ZNF142: variants seen among roughly 807,000 people sequenced by gnomAD.
The protein encoded by ZNF142 is zinc finger protein 142, also known as zinc finger protein 142 (clone pHZ-49).
A neutral mutation model predicts 132.1 loss-of-function variants in ZNF142; 96 were observed. The observed-to-expected ratio is 0.73, with a 90% confidence interval of 0.62 to 0.86. ZNF142 has a LOEUF of 0.86. ZNF142 is among the 40% of genes least tolerant of loss of function. ZNF142 has a pLI of 0.00. For missense variants in ZNF142, 2,163 were observed against 2,336.2 expected (o/e 0.93, Z 1.53); for synonymous variants, 842 against 890.1 (o/e 0.95, Z 0.96).
chr2:218,638,223 C>A lies in ZNF142; in HGVS notation c.*116G>T. ...AGAGTCCCAGGAAGGTTCTAGTCAC[C>A]CTTGTACCCCAAAAGCCAGTCTTTC... On this transcript the variant is annotated 3_prime_UTR_variant, in exon 11 of 11. Coordinates refer to ENST00000411696, the MANE Select transcript of ZNF142 (RefSeq NM_001379659.1). The A allele has an allele frequency of 9.4e-7, 1 of 1,069,276 alleles. No individual in the cohort carries two copies. Among genetic ancestry groups the A allele is most frequent in the South Asian group, 2.5e-5 (1 of 40,792 alleles). The allele number at this position is 1,069,276 out of a possible 1,614,324, so 66.2% of individuals were successfully genotyped here. A position where few individuals can be genotyped will look rare whatever the true frequency, so the allele number is the denominator to read the frequency against.
chr2:218,633,872 AGGAG>A lies in ZNF142; in HGVS notation c.*4463_*4466del. 7 of 1,369,068 alleles carry A rather than the reference AGGAG, an allele frequency of 5.1e-6. No individual in the cohort carries two copies. Among genetic ancestry groups the A allele is most frequent in the Non-Finnish European group, 7.1e-6 (7 of 988,624 alleles). The allele number at this position is 1,369,068 out of a possible 1,614,324, so 84.8% of individuals were successfully genotyped here. A position where few individuals can be genotyped will look rare whatever the true frequency, so the allele number is the denominator to read the frequency against. ...AGACAAGGTAGCTAAGGAGAGATGAAGGAGTTCAGAAACTCCTTAGAGCAGACAA... is the reference window on the plus strand; with the variant it reads ...AGACAAGGTAGCTAAGGAGAGATGAATTCAGAAACTCCTTAGAGCAGACAA... On this transcript the variant is annotated 3_prime_UTR_variant, in exon 11 of 11. Transcript: ENST00000411696.
At position 218,643,943 on chromosome 2, in the gene ZNF142, C is replaced by A; in HGVS notation, c.3173G>T (p.Gly1058Val). The change falls in exon 9 of 11, where the codon GGG (glycine) becomes GTG (valine). Residue 1058 changes from glycine to valine, a missense_variant. Gly to Val is a moderately radical substitution (Grantham distance 109). Around this residue, in one of 7 missense-constraint regions of ZNF142, gnomAD observed 809 missense variants for 801.7 expected, o/e 1.01. Coordinates refer to ENST00000411696, the MANE Select transcript of ZNF142 (RefSeq NM_001379659.1). The part of the protein sequence containing the change: ...EKALNLHSRT[G>V]CQGRREPLLC... The stretch of plus-strand genomic sequence containing the variant: ...CAGGGGCTCTCGGCGGCCTTGGCAC[C>A]CAGTCCTGGAGTGCAGATTCAGGGC... 6.2e-7 allele frequency: 1 copy of A among 1,614,080 alleles called. No individual in the cohort carries two copies. The highest frequency in any genetic ancestry group is 8.5e-7 in the Non-Finnish European group (1 of 1,179,978).
Position 218,638,144 on chromosome 2 carries a change from G to A in ZNF142, c.*195C>T, listed in dbSNP as rs904232729. The A allele has an allele frequency of 3.3e-5, 15 of 453,988 alleles. No individual in the cohort carries two copies. Among genetic ancestry groups the A allele is most frequent in the Non-Finnish European group, 4.8e-5 (13 of 273,538 alleles). The allele number at this position is 453,988 out of a possible 1,614,324, so 28.1% of individuals were successfully genotyped here. ...CAATGTACAGCAATAAGAAATCAAC[G>A]TTATAGTCCATGTCCCTCTTTTATA... On this transcript the variant is annotated 3_prime_UTR_variant, in exon 11 of 11. Transcript: ENST00000411696.
Position 218,633,394 on chromosome 2 carries a change from G to A in ZNF142, c.*4945C>T, listed in dbSNP as rs906172782. The stretch of plus-strand genomic sequence containing the variant: ...CCCATTCCCACCCCCAGGTTGTGAC[G>A]TGCCCGCTGTTTTGTCCGTCTATCT... On this transcript the variant is annotated 3_prime_UTR_variant, in exon 11 of 11. Transcript: ENST00000411696. 1.8e-5 allele frequency: 13 copies of A among 711,542 alleles called. No homozygotes were observed. The highest frequency in any genetic ancestry group is 2.3e-4 in the Middle Eastern group (1 of 4,410). The allele number at this position is 711,542 out of a possible 1,614,324, so 44.1% of individuals were successfully genotyped here.
At chr2:218,639,732 T>TG (rs1559284911) in intron 10 of ZNF142, among the ~76,000 whole-genome samples, 1 of 23,526 alleles carries the variant, frequency 4.3e-5, no homozygotes, top group Non-Finnish European at 1.4e-4. Flanking sequence ...ACCCTGTCAC[T>TG]GAAAAAAAAA....
chr2:218,647,402 A>G (rs571996163), intron 7 of ZNF142, among the ~76,000 whole-genome samples: 25 of 95,140 alleles, frequency 2.6e-4, no homozygotes, highest in African/African-American at 9.1e-4. Flanking sequence ...CAGCCTGAGC[A>G]ACAGAGCCAG....
Position 218,644,503 on chromosome 2 carries a change from A to G in ZNF142, c.2613T>C (p.Ser871=), listed in dbSNP as rs1245994224. 6 of 1,613,830 alleles carry G rather than the reference A, an allele frequency of 3.7e-6. No homozygotes were observed. The African/African-American group carries it at 8.0e-5, about 22-fold the overall frequency. ...CCAGGTCACCCCCATGGGGAGCCTC[A>G]CTGCCCTCCTGTCTTCCAGTGTTGA... is the stretch of plus-strand genomic sequence containing the variant. ...EEVNTGRQEG[S]EAPHGGDLGG... Residue 871 remains serine (S), a synonymous_variant, in exon 9 of 11, where the codon AGT becomes AGC. Coordinates refer to ENST00000411696, the MANE Select transcript of ZNF142 (RefSeq NM_001379659.1). The surrounding 1 kb of genome is among the most constrained non-coding windows in gnomAD (Gnocchi z 4.6).
In ZNF142 at chr2:218,640,619, G is replaced by C. The variant is rs545744612; in HGVS notation, c.5194+45C>G. The C allele has an allele frequency of 1.9e-6, 3 of 1,578,692 alleles. No individual in the cohort carries two copies. The Admixed American group carries it at 5.0e-5, about 27-fold the overall frequency. On this transcript the variant is annotated intron_variant, in intron 10 of 10. Transcript: ENST00000411696. Reference sequence around the variant, plus strand: ...ACCTTGGTAAGGTTAGGTTTGCCAGGGAACAAAGGAACCCTTCAGGCCTGT... The same window carrying C: ...ACCTTGGTAAGGTTAGGTTTGCCAGCGAACAAAGGAACCCTTCAGGCCTGT...
Position 218,634,734 on chromosome 2 carries a change from T to A in ZNF142, c.*3605A>T. ...GGAATGTAGAGGCCGGATAGCCTAT[T>A]AACAGTGTCTAGTTTTAGCTTTTGG... On this transcript the variant is annotated 3_prime_UTR_variant, in exon 11 of 11. Coordinates refer to ENST00000411696, the MANE Select transcript of ZNF142 (RefSeq NM_001379659.1). The surrounding 1 kb of genome is among the most constrained non-coding windows in gnomAD (Gnocchi z 4.0). 7.6e-7 allele frequency: 1 copy of A among 1,318,460 alleles called. No homozygotes were observed. Among genetic ancestry groups the A allele is most frequent in the Non-Finnish European group, 1.0e-6 (1 of 955,522 alleles). 81.7% of individuals were successfully genotyped at this position (1,318,460 alleles called of 1,614,324 possible). A position where few individuals can be genotyped will look rare whatever the true frequency, so the allele number is the denominator to read the frequency against.
intron 4 of ZNF142, among the ~76,000 whole-genome samples, chr2:218,653,737 T>C (rs1938231175): frequency 6.6e-6 from 1 of 152,224 alleles, no homozygotes; most frequent in Non-Finnish European, 1.5e-5. Flanking sequence ...TTTGAGTACA[T>C]TTACATCTAG....
chr2:218,646,212 G>C lies in ZNF142; in HGVS notation c.2010C>G (p.His670Gln). ...GTTTTCGCATGTGCACACGGAGGTA[G>C]TGCTTCCACTTGGTGACATAGCCAC... The part of the protein sequence containing the change: ...TECGYVTKWK[H>Q]YLRVHMRKHA... The change falls in exon 8 of 11, where the codon CAC becomes CAG. Residue 670 changes from histidine (H) to glutamine (Q), a missense_variant. By Grantham distance (24) the His-to-Gln change is conservative (BLOSUM62 0). Coordinates refer to ENST00000411696, the MANE Select transcript of ZNF142 (RefSeq NM_001379659.1). The C allele has an allele frequency of 1.2e-6, 2 of 1,614,186 alleles. No individual in the cohort carries two copies. Among genetic ancestry groups the C allele is most frequent in the Non-Finnish European group, 1.7e-6 (2 of 1,180,040 alleles).
chr2:218,656,484 AAAAC>A (rs1938515350), intron 3 of ZNF142, 21 bp from the exon 4 acceptor site: 4 of 1,424,184 alleles, frequency 2.8e-6, no homozygotes, highest in Non-Finnish European at 2.8e-6. Context: ...AACCAGAAGA[AAAAC>A]AAAGTAAGGT....
chr2:218,640,747 T>C lies in ZNF142; in HGVS notation c.5111A>G (p.Glu1704Gly), dbSNP rs1200401638. ...RLKYHMRIHK[E>G]ERKYLCPECG... ...CTCAGGGCACAGGTACTTCCGTTCC[T>C]CCTTGTGGATCCGCATGTGGTACTG... The change falls in exon 10 of 11, where the codon GAG becomes GGG. Residue 1704 changes from glutamate to glycine, a missense_variant. Physicochemically the swap from Glu to Gly is moderately conservative, Grantham distance 98 (BLOSUM62 -2). Coordinates refer to ENST00000411696, the MANE Select transcript of ZNF142 (RefSeq NM_001379659.1). The C allele has an allele frequency of 2.5e-6, 4 of 1,614,200 alleles. No homozygotes were observed. The South Asian group carries it at 3.3e-5, about 13-fold the overall frequency.
At chr2:218,639,948 C>T (rs1457765086) in intron 10 of ZNF142, among the ~76,000 whole-genome samples, 8 of 141,448 alleles carry the variant, frequency 5.7e-5, no homozygotes, top group South Asian at 2.4e-4. Flanking sequence ...CCCAGCTACT[C>T]GGGAGGCTAA....
At chr2:218,641,654 C>T (rs1575058697) in intron 9 of ZNF142, among the ~76,000 whole-genome samples, 1 of 152,084 alleles carries the variant, frequency 6.6e-6, no homozygotes, top group African/African-American at 2.4e-5. Flanking sequence ...ATCCTCCCAC[C>T]TCAGCCTCCT....
chr2:218,653,582 A>G (rs1440961173), intron 4 of ZNF142, among the ~76,000 whole-genome samples: 1 of 151,792 alleles, frequency 6.6e-6, no homozygotes, highest in Non-Finnish European at 1.5e-5. Flanking sequence ...TCTCAAAAAA[A>G]AAAAAAAATT....
Position 218,656,272 on chromosome 2 carries a change from G to T in ZNF142, c.158C>A (p.Pro53His). 1 of 1,613,526 alleles carries T rather than the reference G, an allele frequency of 6.2e-7. No individual in the cohort carries two copies. Among genetic ancestry groups the T allele is most frequent in the South Asian group, 1.1e-5 (1 of 90,882 alleles). ...TACCAGCAGGCAGCCTGGCTCAGTA[G>T]GTATAGGTGCAGGGTCCCGGGAAGG... ...PCPSRDPAPIPTEPGCLLVEA... is the reference protein window; with the variant it reads ...PCPSRDPAPIHTEPGCLLVEA... The change falls in exon 4 of 11, where the codon CCT becomes CAT. Residue 53 changes from proline to histidine, a missense_variant. By Grantham distance (77) the Pro-to-His change is moderately conservative. Transcript: ENST00000411696.
Position 218,658,865 on chromosome 2 carries a change from C to G in ZNF142, c.-199G>C, listed in dbSNP as rs1036743447. ...CCAGAGAAGAAATACGCTTATCTTCCGGGCAGGAGGGCTGAGGAAGAGAAA... is the reference window on the plus strand; with the variant it reads ...CCAGAGAAGAAATACGCTTATCTTCGGGGCAGGAGGGCTGAGGAAGAGAAA... On this transcript the variant is annotated 5_prime_UTR_variant, in exon 3 of 11. Transcript: ENST00000411696. 2 of 152,242 alleles carry G rather than the reference C, an allele frequency of 1.3e-5. No homozygotes were observed. The highest frequency in any genetic ancestry group is 1.9e-4 in the East Asian group (1 of 5,192). The allele number at this position is 152,242 out of a possible 1,614,324, so 9.4% of individuals were successfully genotyped here.
rs1213603615 is a variant in ZNF142 at position 218,652,337 on chromosome 2, C to T, written c.281-37G>A. ...GGACCGACAGAGAAAGGCATAGAATCAGATGGAACAAGACTCATAGGAGTT... is the reference window on the plus strand; with the variant it reads ...GGACCGACAGAGAAAGGCATAGAATTAGATGGAACAAGACTCATAGGAGTT... On this transcript the variant is annotated intron_variant, in intron 4 of 10. Coordinates refer to ENST00000411696, the MANE Select transcript of ZNF142 (RefSeq NM_001379659.1). The T allele has an allele frequency of 2.0e-5, 9 of 456,128 alleles. No homozygotes were observed. The Admixed American group carries it at 2.1e-4, about 11-fold the overall frequency. The allele number at this position is 456,128 out of a possible 1,614,324, so 28.3% of individuals were successfully genotyped here. A position where few individuals can be genotyped will look rare whatever the true frequency, so the allele number is the denominator to read the frequency against.
Sources: allele counts gnomAD v4.1 joint callset (sites outside exome capture counted in the v4.1 genomes callset), GRCh38; gene constraint gnomAD v4.1.1; regional missense constraint gnomAD v4.1.1; non-coding constraint Gnocchi (gnomAD v3.1); transcripts MANE v1.5; gene names NCBI Gene and HGNC (gene_info 2026-07-23, HGNC 2026-07-21).